Variants in PTK2 observed in about 807,000 individuals in gnomAD.
PTK2 encodes the protein protein tyrosine kinase 2.
Under a neutral mutation model 150.1 loss-of-function variants are expected in PTK2, and 45 were observed. That is an observed-to-expected ratio of 0.30 (90% CI 0.24 to 0.38). The LOEUF is 0.38. Among genes scored for constraint, PTK2 ranks in the 10% least tolerant of loss-of-function variants. The probability of loss-of-function intolerance (pLI) is 1.00; values close to 1 mark genes in which losing one functional copy is unlikely to be tolerated. For synonymous variants in PTK2, 432 were observed against 449.2 expected, an observed-to-expected ratio of 0.96 and a Z score of 0.48; for missense variants, 919 against 1,307.3, an observed-to-expected ratio of 0.70 and a Z score of 4.58.
At chr8:140,789,620 A>G in intron 13 of PTK2, 94 bp from the exon 14 acceptor site, 1 of 1,200,146 alleles carries the variant, frequency 8.3e-7, no homozygotes, top group Non-Finnish European at 1.2e-6. Context: ...TGGATGAGGA[A>G]GACAAAATTT....
At chr8:140,969,487 C>T (rs1475395005) in intron 1 of PTK2, among the ~76,000 whole-genome samples, 2 of 152,210 alleles carry the variant, frequency 1.3e-5, no homozygotes, top group African/African-American at 4.8e-5. Context: ...CTGCTAAATC[C>T]AATGGTCAAT....
intron 24 of PTK2, among the ~76,000 whole-genome samples, chr8:140,703,771 G>A (rs971677325): frequency 2.0e-5 from 3 of 152,222 alleles, no homozygotes; most frequent in Admixed American, 6.5e-5. Context: ...GGGAAAATAA[G>A]ATGGGTTTCT....
At chr8:140,871,598 A>C (rs1034147561) in intron 4 of PTK2, among the ~76,000 whole-genome samples, 1 of 152,230 alleles carries the variant, frequency 6.6e-6, no homozygotes, top group Non-Finnish European at 1.5e-5. Context: ...CAGGAGCTTG[A>C]GATCAGCCTG....
At chr8:140,669,697 G>C (rs1444009908) in intron 29 of PTK2, 30 bp downstream of exon 33, 2 of 1,531,474 alleles carry the variant, frequency 1.3e-6, no homozygotes, top group Non-Finnish European at 1.8e-6. Context: ...GAGAGAGCTG[G>C]ACAGACACAC....
chr8:140,852,605 CTTAAA>C (rs1449150158), intron 5 of PTK2, among the ~76,000 whole-genome samples: 1 of 152,224 alleles, frequency 6.6e-6, no homozygotes, highest in Admixed American at 6.5e-5. Flanking sequence ...AAACTGCATA[CTTAAA>C]TTATTTTATT....
Position 140,749,177 on chromosome 8 carries a change from AC to A in PTK2, c.1418-2318del, listed in dbSNP as rs2100061287. On this transcript the variant is annotated intron_variant, in intron 17 of 31. Coordinates refer to ENST00000522684, the Ensembl canonical transcript of PTK2. ...TTTTCAACAAACATCACCAACAAAA[AC>A]CCATATAATGTAAACACCCAGCACA... is the stretch of plus-strand genomic sequence containing the variant. Among the ~76,000 whole-genome samples the A allele has an allele frequency of 6.6e-5, 10 of 152,152 alleles. No homozygotes were observed. In the South Asian group the frequency reaches 1.9e-3, roughly 28 times the overall value.
chr8:140,782,873 T>C (rs2100082655), intron 14 of PTK2, among the ~76,000 whole-genome samples: 1 of 152,180 alleles, frequency 6.6e-6, no homozygotes, highest in African/African-American at 2.4e-5. Flanking sequence ...GAAAAAACCT[T>C]AATGGAATCA....
chr8:140,971,662 G>C (rs1052375107), intron 1 of PTK2, among the ~76,000 whole-genome samples: 47 of 152,202 alleles, frequency 3.1e-4, no homozygotes, highest in African/African-American at 1.1e-3. Flanking sequence ...CTGTAGTAAA[G>C]TCATTTCAAT....
chr8:140,839,974 T>A (rs1360493089), intron 7 of PTK2, among the ~76,000 whole-genome samples: 2 of 151,886 alleles, frequency 1.3e-5, no homozygotes, highest in Admixed American at 1.3e-4. Context: ...CATAACAGAG[T>A]ATCTTTACAG....
At chr8:140,844,634 C>T (rs1391002336) in intron 7 of PTK2, among the ~76,000 whole-genome samples, 1 of 152,148 alleles carries the variant, frequency 6.6e-6, no homozygotes, top group Admixed American at 6.5e-5. Context: ...CTTTCTGGCA[C>T]TACAAGCTGC....
At chr8:140,845,566 T>C (rs778793614) in intron 7 of PTK2, among the ~76,000 whole-genome samples, 9 of 152,240 alleles carry the variant, frequency 5.9e-5, no homozygotes, top group Non-Finnish European at 1.0e-4. Context: ...ACCCAGCTGA[T>C]ACTTCCACTT....
chr8:140,770,143 C>T (rs2100074701), intron 14 of PTK2, among the ~76,000 whole-genome samples: 1 of 152,214 alleles, frequency 6.6e-6, no homozygotes, highest in Non-Finnish European at 1.5e-5. Flanking sequence ...GCTCTGCTGA[C>T]AACGAAGGTT....
chr8:140,887,344 C>CAG (rs1275266331), intron 3 of PTK2, among the ~76,000 whole-genome samples: 1 of 152,182 alleles, frequency 6.6e-6, no homozygotes, highest in African/African-American at 2.4e-5. Flanking sequence ...CCAAGATCTC[C>CAG]AGATCACTTC....
chr8:140,753,025 A>T (rs1298793646), intron 16 of PTK2, among the ~76,000 whole-genome samples: 2 of 152,210 alleles, frequency 1.3e-5, no homozygotes, highest in Non-Finnish European at 2.9e-5. Context: ...TGAAATGGAG[A>T]GCCAAGGTAG....
chr8:140,823,963 T>C (rs572770189), intron 8 of PTK2, among the ~76,000 whole-genome samples: 83 of 152,196 alleles, frequency 5.5e-4, no homozygotes, highest in Non-Finnish European at 8.1e-4. Context: ...ATTCAAGCCC[T>C]CCTTGTTTCT....
At chr8:140,802,319 T>C (rs2100095578) in intron 11 of PTK2, among the ~76,000 whole-genome samples, 1 of 151,572 alleles carries the variant, frequency 6.6e-6, no homozygotes, top group African/African-American at 2.4e-5. Flanking sequence ...GCTGAAAAAG[T>C]AAAAAACACA....
chr8:140,797,455 T>G (rs1376577363), intron 12 of PTK2, among the ~76,000 whole-genome samples: 1 of 152,244 alleles, frequency 6.6e-6, no homozygotes, highest in Non-Finnish European at 1.5e-5. Context: ...AGTGTTTTAA[T>G]TATGTAATTA....
chr8:140,947,350 G>A (rs1390303687), intron 1 of PTK2, among the ~76,000 whole-genome samples: 3 of 152,144 alleles, frequency 2.0e-5, no homozygotes, highest in Non-Finnish European at 4.4e-5. Flanking sequence ...ATAAATATTT[G>A]TTCAATAAAT....
chr8:140,864,915 A>G (rs2154605989), intron 4 of PTK2, among the ~76,000 whole-genome samples: 1 of 152,338 alleles, frequency 6.6e-6, no homozygotes, highest in East Asian at 1.9e-4. Context: ...ACGTATGTAC[A>G]CATTTCGGTT....
Sources: gnomAD v4.1 joint callset for allele counts (sites outside exome capture counted in the v4.1 genomes callset) on GRCh38, gnomAD v4.1.1 for gene constraint, MANE v1.5 for transcripts, NCBI Gene and HGNC (gene_info 2026-07-23, HGNC 2026-07-21) for gene names.